MYH14: variants seen among roughly 807,000 people sequenced by gnomAD.
MYH14 encodes myosin heavy chain 14.
In MYH14, 123 loss-of-function variants were observed where a neutral mutation model predicts 255.5. That is an observed-to-expected ratio of 0.48 (90% CI 0.42 to 0.56). MYH14 has a LOEUF of 0.56. Ranked by LOEUF, MYH14 falls within the 20% of genes least tolerant of loss-of-function variation. The pLI, the probability that MYH14 is intolerant of heterozygous loss-of-function variation, is 0.00. For missense variants in MYH14, 2,423 were observed against 2,802.3 expected (o/e 0.86, Z 3.06); for synonymous variants, 1,095 against 1,161.2 (o/e 0.94, Z 1.16).
chr19:50,217,002 G>A (rs536520047), intron 2 of MYH14, among the ~76,000 whole-genome samples: 14 of 151,872 alleles, frequency 9.2e-5, no homozygotes, highest in Admixed American at 8.5e-4. Context: ...GTAGAGATGG[G>A]GTTTCACCAT....
chr19:50,290,763 GGAGTGA>G, intron 35 of MYH14, 118 bp from the exon 36 acceptor site: 1 of 957,526 alleles, frequency 1.0e-6, no homozygotes, highest in Non-Finnish European at 1.6e-6. Context: ...AGAGAGTCAG[GGAGTGA>G]GAGGAGCGGG....
chr19:50,219,639 G>A (rs2032704934), intron 3 of MYH14, among the ~76,000 whole-genome samples: 1 of 151,600 alleles, frequency 6.6e-6, no homozygotes, highest in Admixed American at 6.6e-5. Context: ...ATTGTCACGG[G>A]GTAAATGTAG....
intron 39 of MYH14, among the ~76,000 whole-genome samples, chr19:50,300,756 A>G (rs1485445518): frequency 6.6e-6 from 1 of 152,122 alleles, no homozygotes; most frequent in Non-Finnish European, 1.5e-5. Flanking sequence ...TTCTAAATAA[A>G]TAATAAAATA....
chr19:50,239,075 A>T (rs1172249813), intron 10 of MYH14, among the ~76,000 whole-genome samples: 1 of 152,036 alleles, frequency 6.6e-6, no homozygotes, highest in Admixed American at 6.6e-5. Flanking sequence ...GCTGGAGTAC[A>T]GTGGCGCGAT....
At chr19:50,301,632 T>C (rs2036483966) in intron 39 of MYH14, 29 bp from the exon 40 acceptor site, 1 of 1,588,646 alleles carries the variant, frequency 6.3e-7, no homozygotes, top group East Asian at 2.2e-5. Flanking sequence ...GACTCCACCA[T>C]GACATCCTTC....
intron 40 of MYH14, 24 bp from the exon 41 acceptor site, chr19:50,307,025 A>T: frequency 6.6e-7 from 1 of 1,513,696 alleles, no homozygotes; most frequent in East Asian, 2.5e-5. Context: ...CTCTACTGAG[A>T]CTCCTCCTCA....
At chr19:50,224,848 T>C in intron 6 of MYH14, 1 of 456,474 alleles carries the variant, frequency 2.2e-6, no homozygotes, top group African/African-American at 2.0e-5. Flanking sequence ...CTCAGGTCTA[T>C]AATCCCAGCA....
Position 50,278,280 on chromosome 19 carries a change from G to T in MYH14, c.4023G>T (p.Gln1341His). The change falls in exon 30 of 43, where the codon CAG becomes CAT. Residue 1341 changes from glutamine to histidine, a missense_variant. By Grantham distance (24) the Gln-to-His change is conservative (BLOSUM62 0). Transcript: ENST00000642316. ...RARAEAAEKL[Q>H]RAQAELENVS... Reference sequence around the variant, plus strand: ...GAGCGGAGGCTGCTGAGAAGCTGCAGCGAGCCCAGGTAAGTGGGGTGGGCA... The same window carrying T: ...GAGCGGAGGCTGCTGAGAAGCTGCATCGAGCCCAGGTAAGTGGGGTGGGCA... 1.3e-6 allele frequency: 2 copies of T among 1,551,434 alleles called. No homozygotes were observed. Among genetic ancestry groups the T allele is most frequent in the South Asian group, 2.4e-5 (2 of 84,242 alleles).
Position 50,286,567 on chromosome 19 carries a change from G to A in MYH14, c.4625G>A (p.Arg1542Gln), listed in dbSNP as rs767084290. The change falls in exon 34 of 43, where the codon CGG (arginine) becomes CAG (glutamine). Residue 1542 changes from arginine to glutamine, a missense_variant. Transcript: ENST00000642316. ...GCAGAGGGCCGGGAGCGTGAGGCTC[G>A]GGCCCTGTCACTGACACGGGCACTG... Reference protein sequence around the residue: ...AEAEGREREARALSLTRALEE... With the variant: ...AEAEGREREAQALSLTRALEE... The A allele has an allele frequency of 5.6e-5, 90 of 1,610,680 alleles. No individual in the cohort carries two copies. Among genetic ancestry groups the A allele is most frequent in the Non-Finnish European group, 6.8e-5 (80 of 1,178,724 alleles).
chr19:50,229,134 C>T (rs145531826), intron 8 of MYH14, among the ~76,000 whole-genome samples: 2 of 152,262 alleles, frequency 1.3e-5, no homozygotes, highest in African/African-American at 2.4e-5. Context: ...CGACAGCCTG[C>T]GTGTGCTCCC....
intron 17 of MYH14, among the ~76,000 whole-genome samples, chr19:50,256,996 G>A (rs990099293): frequency 1.3e-5 from 2 of 152,214 alleles, no homozygotes; most frequent in Non-Finnish European, 2.9e-5. Context: ...AAGGAAAACA[G>A]AGATCATGTC....
Position 50,261,746 on chromosome 19 carries a change from A to T in MYH14, c.2585+111A>T, listed in dbSNP as rs535196758. The T allele has an allele frequency of 4.7e-4, 511 of 1,091,094 alleles. 1 individual carries two copies. The African/African-American group carries it at 7.8e-3, about 17-fold the overall frequency. 67.6% of individuals were successfully genotyped at this position (1,091,094 alleles called of 1,614,324 possible). A position where few individuals can be genotyped will look rare whatever the true frequency, so the allele number is the denominator to read the frequency against. On this transcript the variant is annotated intron_variant, in intron 21 of 42. Transcript: ENST00000642316. ...CTCCAGGATGGGTGCAGGGCTGAGG[A>T]GCAGGTGGATGGAGGTGCCGGGTGT...
At chr19:50,283,630 A>C (rs1297741755) in intron 33 of MYH14, among the ~76,000 whole-genome samples, 2 of 152,152 alleles carry the variant, frequency 1.3e-5, no homozygotes, top group Non-Finnish European at 2.9e-5. Flanking sequence ...AGGTGGTTTT[A>C]ATTAACATTT....
intron 10 of MYH14, among the ~76,000 whole-genome samples, chr19:50,238,149 C>T (rs1056545593): frequency 3.3e-5 from 5 of 152,334 alleles, no homozygotes; most frequent in East Asian, 3.9e-4. Flanking sequence ...TAGCCTGGGA[C>T]ACAGGGAGGC....
chr19:50,309,409 C>A, intron 42 of MYH14: 1 of 615,738 alleles, frequency 1.6e-6, no homozygotes. Context: ...CGTGCACCAC[C>A]ACCTTTCTCT....
rs664065 is a variant in MYH14 at position 50,247,350 on chromosome 19, A to T, written c.1329+228A>T. On this transcript the variant is annotated intron_variant, in intron 12 of 42. Coordinates refer to ENST00000642316, the MANE Select transcript of MYH14 (RefSeq NM_001145809.2). Reference sequence around the variant, plus strand: ...AGGAAATGGATAATAAAAGTTCAACAGGATGTGTCTGGGAGTGGTGGCTCA... The same window carrying T: ...AGGAAATGGATAATAAAAGTTCAACTGGATGTGTCTGGGAGTGGTGGCTCA... 0.15 allele frequency among the ~76,000 whole-genome samples: 23,490 copies of T among 151,906 alleles called. 2,033 individuals are homozygous for T. Among genetic ancestry groups the T allele is most frequent in the African/African-American group, 0.19 (7,995 of 41,412 alleles).
Position 50,287,221 on chromosome 19 carries a change from G to A in MYH14, c.4752+527G>A, listed in dbSNP as rs546031498. The stretch of plus-strand genomic sequence containing the variant: ...CACCAAACACTGTGCTAATGCACAC[G>A]CATAGAAAGTAAGGAGAGCCATTCA... On this transcript the variant is annotated intron_variant, in intron 34 of 42. Coordinates refer to ENST00000642316, the MANE Select transcript of MYH14 (RefSeq NM_001145809.2). Among the ~76,000 whole-genome samples the A allele has an allele frequency of 1.0e-3, 155 of 152,294 alleles. 1 individual carries two copies. The highest frequency in any genetic ancestry group is 3.4e-3 in the Middle Eastern group (1 of 294).
chr19:50,264,210 G>A (rs2035000903), intron 22 of MYH14, among the ~76,000 whole-genome samples: 1 of 152,054 alleles, frequency 6.6e-6, no homozygotes, highest in South Asian at 2.1e-4. Context: ...ATGATAATAT[G>A]CACGGAGTAT....
rs1433160994 is a variant in MYH14 at position 50,223,291 on chromosome 19, T to A, written c.635T>A (p.Ile212Asn). The A allele has an allele frequency of 1.9e-6, 3 of 1,607,212 alleles. No individual in the cohort carries two copies. In the African/African-American group the frequency reaches 4.0e-5, roughly 21 times the overall value. Reference protein sequence around the residue: ...AGKTENTKKVIQYLAHVASSP... With the variant: ...AGKTENTKKVNQYLAHVASSP... Reference sequence around the variant, plus strand: ...AAGACGGAAAACACCAAGAAGGTCATCCAGTACCTCGCCCACGTGGCGTCG... The same window carrying A: ...AAGACGGAAAACACCAAGAAGGTCAACCAGTACCTCGCCCACGTGGCGTCG... The change falls in exon 5 of 43, where the codon ATC (isoleucine) becomes AAC (asparagine). Residue 212 changes from isoleucine (I) to asparagine (N), a missense_variant. Ile to Asn is a moderately radical substitution (Grantham distance 149). Around this residue, in one of 3 missense-constraint regions of MYH14, gnomAD observed 672 missense variants for 881.8 expected, o/e 0.76. Coordinates refer to ENST00000642316, the MANE Select transcript of MYH14 (RefSeq NM_001145809.2).
Sources: gnomAD v4.1 joint callset for allele counts (sites outside exome capture counted in the v4.1 genomes callset) on GRCh38, gnomAD v4.1.1 for gene constraint, gnomAD v4.1.1 regional missense constraint, MANE v1.5 for transcripts, NCBI Gene and HGNC (gene_info 2026-07-23, HGNC 2026-07-21) for gene names.